SSH2: variants seen among roughly 807,000 people sequenced by gnomAD.
SSH2 encodes the protein slingshot protein phosphatase 2, also known as protein phosphatase Slingshot homolog 2.
SSH2 carries 37 observed loss-of-function variants against 135.2 expected under a neutral mutation model. That is an observed-to-expected ratio of 0.27 (90% CI 0.21 to 0.36). The LOEUF is 0.36. Ranked by LOEUF, SSH2 falls within the 10% of genes least tolerant of loss-of-function variation. The pLI, the probability that SSH2 is intolerant of heterozygous loss-of-function variation, is 1.00. For synonymous variants in SSH2, 628 were observed against 646.2 expected, an observed-to-expected ratio of 0.97 and a Z score of 0.43; for missense variants, 1,408 against 1,765.3, an observed-to-expected ratio of 0.80 and a Z score of 3.63.
chr17:29,685,513 C>T (rs1009377632), intron 5 of SSH2, among the ~76,000 whole-genome samples: 2 of 152,082 alleles, frequency 1.3e-5, no homozygotes, highest in South Asian at 2.1e-4. Context: ...TGGCCAGGCA[C>T]GGTGGCTCAT....
intron 1 of SSH2, among the ~76,000 whole-genome samples, chr17:29,900,515 G>C (rs1940949949): frequency 6.6e-6 from 1 of 151,910 alleles, no homozygotes; most frequent in Admixed American, 6.6e-5. Context: ...GCAGCCAAAA[G>C]ACACATGAAA....
chr17:29,706,433 T>C (rs1487791670), intron 3 of SSH2, among the ~76,000 whole-genome samples: 1 of 152,194 alleles, frequency 6.6e-6, no homozygotes, highest in Non-Finnish European at 1.5e-5. Flanking sequence ...TGTTTTCATC[T>C]TTAAATAAAG....
At chr17:29,913,350 ATATAT>A (rs1567650011) in intron 1 of SSH2, among the ~76,000 whole-genome samples, 25 of 30,874 alleles carry the variant, frequency 8.1e-4, no homozygotes, top group African/African-American at 2.2e-3. Flanking sequence ...AAAAAAAAAT[ATATAT>A]ATATATATAT....
At chr17:29,634,546 T>G (rs2035814368) in intron 15 of SSH2, among the ~76,000 whole-genome samples, 2 of 53,468 alleles carry the variant, frequency 3.7e-5, no homozygotes, top group South Asian at 1.1e-3. Context: ...TCCTTTTGAT[T>G]ATTATTATTA....
intron 9 of SSH2, among the ~76,000 whole-genome samples, chr17:29,668,791 T>C (rs995884205): frequency 2.0e-5 from 3 of 152,088 alleles, no homozygotes; most frequent in African/African-American, 7.2e-5. Flanking sequence ...ATGGGTCAGA[T>C]TCCCTAGTTC....
chr17:29,832,144 C>G (rs2042857180), intron 2 of SSH2, among the ~76,000 whole-genome samples: 1 of 152,098 alleles, frequency 6.6e-6, no homozygotes, highest in South Asian at 2.1e-4. Flanking sequence ...AGGATAAAAG[C>G]TATCTTCTGT....
intron 1 of SSH2, among the ~76,000 whole-genome samples, chr17:29,851,359 G>A (rs2065555495): frequency 6.6e-6 from 1 of 152,128 alleles, no homozygotes; most frequent in Non-Finnish European, 1.5e-5. Flanking sequence ...CACTTTGGGA[G>A]GCGGGTGGAT....
At chr17:29,677,573 G>T in intron 7 of SSH2, 100 bp downstream of exon 7, 1 of 955,286 alleles carries the variant, frequency 1.0e-6, no homozygotes, top group Non-Finnish European at 1.7e-6. Context: ...TGAAAGTTCA[G>T]TTGGCACACT....
chr17:29,744,031 GTC>G (rs1008545018), intron 3 of SSH2, among the ~76,000 whole-genome samples: 3 of 149,092 alleles, frequency 2.0e-5, no homozygotes, highest in African/African-American at 5.0e-5. Context: ...TGATAAAATA[GTC>G]TCTGTGTCAC....
intron 2 of SSH2, among the ~76,000 whole-genome samples, chr17:29,823,166 CA>C (rs2042682869): frequency 2.0e-5 from 3 of 151,876 alleles, no homozygotes; most frequent in Admixed American, 2.0e-4. Context: ...TCTGTGATGG[CA>C]AAGTTGCTTT....
intron 3 of SSH2, among the ~76,000 whole-genome samples, chr17:29,736,786 CAAAAA>C (rs1194959594): frequency 4.9e-4 from 5 of 10,206 alleles, no homozygotes; most frequent in South Asian, 6.9e-3. Context: ...GACTCTGTCT[CAAAAA>C]AAAAAAAAAA....
chr17:29,846,081 C>T (rs945405825), intron 2 of SSH2, among the ~76,000 whole-genome samples: 1 of 150,926 alleles, frequency 6.6e-6, no homozygotes, highest in African/African-American at 2.4e-5. Flanking sequence ...CTCTGTTGCC[C>T]AGGCTGGAGT....
At chr17:29,885,312 A>G (rs2066215630) in intron 1 of SSH2, among the ~76,000 whole-genome samples, 2 of 148,176 alleles carry the variant, frequency 1.3e-5, no homozygotes, top group Admixed American at 1.4e-4. Context: ...TTTAACTCTT[A>G]TTAACCAAAG....
intron 3 of SSH2, among the ~76,000 whole-genome samples, chr17:29,748,515 C>A (rs1340241846): frequency 6.6e-6 from 1 of 151,862 alleles, no homozygotes; most frequent in African/African-American, 2.4e-5. Flanking sequence ...TCTTTATCCA[C>A]CAAAAAGAGA....
At chr17:29,912,526 A>G (rs1220255657) in intron 1 of SSH2, among the ~76,000 whole-genome samples, 1 of 152,136 alleles carries the variant, frequency 6.6e-6, no homozygotes, top group African/African-American at 2.4e-5. Context: ...CAGGAGTTTG[A>G]GACCACCCTG....
chr17:29,827,442 CAGA>C (rs2042765628), intron 2 of SSH2, among the ~76,000 whole-genome samples: 1 of 152,150 alleles, frequency 6.6e-6, no homozygotes, highest in Admixed American at 6.6e-5. Flanking sequence ...TTACTAACTT[CAGA>C]AGGACAGCAA....
chr17:29,853,323 G>C (rs1359133723), intron 1 of SSH2, among the ~76,000 whole-genome samples: 1 of 151,576 alleles, frequency 6.6e-6, no homozygotes, highest in Non-Finnish European at 1.5e-5. Context: ...CTGACCTTGT[G>C]ATCTGCCCAC....
At chr17:29,742,402 T>C (rs2040590146) in intron 3 of SSH2, among the ~76,000 whole-genome samples, 1 of 150,920 alleles carries the variant, frequency 6.6e-6, no homozygotes, top group African/African-American at 2.4e-5. Flanking sequence ...CACTGAATCC[T>C]TGACCTCCTG....
At chr17:29,787,404 C>G (rs2041987760) in intron 3 of SSH2, 1 of 152,146 alleles carries the variant, frequency 6.6e-6, no homozygotes, top group South Asian at 2.1e-4. Flanking sequence ...GCTTCCATCT[C>G]TTGGCTATTG....
Sources: gnomAD v4.1 joint callset for allele counts (sites outside exome capture counted in the v4.1 genomes callset) on GRCh38, gnomAD v4.1.1 for gene constraint, MANE v1.5 for transcripts, NCBI Gene and HGNC (gene_info 2026-07-23, HGNC 2026-07-21) for gene names.